The following ZNF385D variants were observed in gnomAD, a reference collection of about 807,000 sequenced individuals.
ZNF385D encodes the protein zinc finger protein 385D.
ZNF385D carries 15 observed loss-of-function variants against 35.8 expected under a neutral mutation model. That is an observed-to-expected ratio of 0.42 (90% CI 0.28 to 0.64). The LOEUF (loss-of-function observed/expected upper bound fraction) is 0.64, where lower values mean the gene tolerates loss of function less well. Among genes scored for constraint, ZNF385D ranks in the 30% least tolerant of loss-of-function variants. The pLI, the probability that ZNF385D is intolerant of heterozygous loss-of-function variation, is 0.23. For missense variants in ZNF385D, 474 were observed against 494.6 expected (o/e 0.96, Z 0.39); for synonymous variants, 212 against 186.8 (o/e 1.13, Z -1.10).
rs150849767 is a variant in ZNF385D at position 21,418,737 on chromosome 3, G to A, written c.*2477C>T. ...GAACAGCAAAAGCACGTTTTAGTGAGACTGCTTTAATTAACACTAAGTTAT... is the reference window on the plus strand; with the variant it reads ...GAACAGCAAAAGCACGTTTTAGTGAAACTGCTTTAATTAACACTAAGTTAT... On this transcript the variant is annotated 3_prime_UTR_variant, in exon 8 of 8. Transcript: ENST00000281523. 2.0e-5 allele frequency: 3 copies of A among 152,340 alleles called. No individual in the cohort carries two copies. The highest frequency in any genetic ancestry group is 4.4e-5 in the Non-Finnish European group (3 of 68,034). The allele number at this position is 152,340 out of a possible 1,614,324, so 9.4% of individuals were successfully genotyped here.
intron 1 of ZNF385D, among the ~76,000 whole-genome samples, chr3:21,742,616 C>A (rs1575573690): frequency 6.6e-6 from 1 of 152,258 alleles, no homozygotes; most frequent in East Asian, 1.9e-4. Flanking sequence ...AGGGAGAAAC[C>A]AGGGTATTTT....
chr3:22,244,154 G>C (rs1307443139), intron 2 of ZNF385D, among the ~76,000 whole-genome samples: 1 of 150,288 alleles, frequency 6.7e-6, no homozygotes, highest in Non-Finnish European at 1.5e-5. Context: ...CTCTGTGCAA[G>C]AACCTTCTTA....
intron 3 of ZNF385D, among the ~76,000 whole-genome samples, chr3:22,044,800 A>C (rs2125513505): frequency 6.6e-6 from 1 of 152,242 alleles, no homozygotes. Context: ...AACAAAAGAC[A>C]AGAACTTAAG....
At chr3:22,057,104 C>A (rs1054674597) in intron 3 of ZNF385D, among the ~76,000 whole-genome samples, 1 of 152,210 alleles carries the variant, frequency 6.6e-6, no homozygotes, top group African/African-American at 2.4e-5. Context: ...TCAGTTGCTA[C>A]GTGACCCTGT....
At chr3:21,458,821 G>A (rs1702988331) in intron 4 of ZNF385D, among the ~76,000 whole-genome samples, 1 of 134,330 alleles carries the variant, frequency 7.4e-6, no homozygotes, top group African/African-American at 2.7e-5. Context: ...GGGTGGGGGG[G>A]CGGGACTGAT....
intron 3 of ZNF385D, among the ~76,000 whole-genome samples, chr3:21,891,842 T>G (rs1157634140): frequency 6.6e-6 from 1 of 152,180 alleles, no homozygotes; most frequent in Non-Finnish European, 1.5e-5. Context: ...TTTATACTAA[T>G]TCCCCCAATT....
intron 3 of ZNF385D, among the ~76,000 whole-genome samples, chr3:22,056,972 G>A (rs1343179367): frequency 6.6e-6 from 1 of 152,230 alleles, no homozygotes; most frequent in Non-Finnish European, 1.5e-5. Flanking sequence ...CCAGCCTCAT[G>A]GCTAAGTCTG....
chr3:22,158,309 A>G (rs958857215), intron 3 of ZNF385D, among the ~76,000 whole-genome samples: 1 of 152,136 alleles, frequency 6.6e-6, no homozygotes, highest in Admixed American at 6.6e-5. Context: ...GAGTAATCTT[A>G]GAGATATTCT....
In ZNF385D at chr3:22,257,443, C is replaced by T. The variant is rs150987030; in HGVS notation, c.107-88408G>A. The stretch of plus-strand genomic sequence containing the variant: ...ATTGCATCTTCTTGATGTGCAATTG[C>T]ATCATCATTTCCTCTCCTTTCTAGT... On this transcript the variant is annotated intron_variant, in intron 2 of 5. Transcript: ENST00000494108. 3.6e-4 allele frequency among the ~76,000 whole-genome samples: 54 copies of T among 151,888 alleles called. 1 individual carries two copies. Among genetic ancestry groups the T allele is most frequent in the African/African-American group, 1.3e-3 (53 of 41,516 alleles).
chr3:21,725,294 A>T (rs190210826), intron 1 of ZNF385D, among the ~76,000 whole-genome samples: 2 of 152,052 alleles, frequency 1.3e-5, no homozygotes, highest in African/African-American at 4.8e-5. Context: ...AGAACAAATA[A>T]ATTCAAAAGC....
At chr3:21,665,581 C>G (rs568515051) in intron 1 of ZNF385D, among the ~76,000 whole-genome samples, 1 of 152,274 alleles carries the variant, frequency 6.6e-6, no homozygotes, top group East Asian at 1.9e-4. Flanking sequence ...CCAGCAAAAC[C>G]AGTGCTACGA....
At chr3:21,616,854 T>C (rs1004507097) in intron 2 of ZNF385D, among the ~76,000 whole-genome samples, 18 of 152,354 alleles carry the variant, frequency 1.2e-4, no homozygotes, top group African/African-American at 4.1e-4. Flanking sequence ...TTCAGTGTTA[T>C]AAAAGGAAAT....
intron 2 of ZNF385D, among the ~76,000 whole-genome samples, chr3:22,194,318 C>T (rs970835294): frequency 1.3e-5 from 2 of 151,624 alleles, no homozygotes; most frequent in East Asian, 1.9e-4. Context: ...ACTATATTTA[C>T]CCTAGGGCTT....
chr3:21,995,144 G>A (rs1158371365), intron 3 of ZNF385D, among the ~76,000 whole-genome samples: 1 of 152,196 alleles, frequency 6.6e-6, no homozygotes, highest in African/African-American at 2.4e-5. Context: ...CAACCTTCAG[G>A]CCCCTAGGCA....
At chr3:22,172,698 C>G (rs1694545047) in intron 2 of ZNF385D, among the ~76,000 whole-genome samples, 1 of 152,122 alleles carries the variant, frequency 6.6e-6, no homozygotes, top group Admixed American at 6.5e-5. Flanking sequence ...AAAGCTGGAG[C>G]AACTTGAGCA....
intron 3 of ZNF385D, among the ~76,000 whole-genome samples, chr3:21,518,906 A>G (rs950318404): frequency 6.6e-6 from 1 of 152,196 alleles, no homozygotes; most frequent in Non-Finnish European, 1.5e-5. Flanking sequence ...ATATTTAATA[A>G]TTCATTTCAA....
intron 3 of ZNF385D, among the ~76,000 whole-genome samples, chr3:21,770,943 C>T (rs1417227302): frequency 6.6e-6 from 1 of 152,018 alleles, no homozygotes; most frequent in Non-Finnish European, 1.5e-5. Flanking sequence ...TTTGTAGGGA[C>T]ATGGATGAAG....
chr3:21,675,828 C>A (rs1276757372), intron 1 of ZNF385D, among the ~76,000 whole-genome samples: 1 of 151,990 alleles, frequency 6.6e-6, no homozygotes, highest in African/African-American at 2.4e-5. Context: ...GATTTGTATT[C>A]TTTTTGTATC....
chr3:22,027,512 T>A (rs1443112877), intron 3 of ZNF385D, among the ~76,000 whole-genome samples: 1 of 152,152 alleles, frequency 6.6e-6, no homozygotes, highest in Non-Finnish European at 1.5e-5. Flanking sequence ...GGTCCTGCCA[T>A]CTTCTGCAGA....
Sources: gnomAD v4.1 joint callset for allele counts (sites outside exome capture counted in the v4.1 genomes callset) on GRCh38, gnomAD v4.1.1 for gene constraint, MANE v1.5 for transcripts, NCBI Gene and HGNC (gene_info 2026-07-23, HGNC 2026-07-21) for gene names.